LUZP1: variants seen among roughly 807,000 people sequenced by gnomAD.
LUZP1 encodes filamin mechanobinding actin cross-linking protein.
In LUZP1, 25 loss-of-function variants were observed where a neutral mutation model predicts 71.3. The ratio of observed to expected loss-of-function variants is 0.35; its 90% CI spans 0.26 to 0.49. The LOEUF (loss-of-function observed/expected upper bound fraction) is 0.49. Among genes scored for constraint, LUZP1 ranks in the 20% least tolerant of loss-of-function variants. LUZP1 has a pLI of 0.99. For missense variants in LUZP1, 1,142 were observed against 1,300.8 expected (o/e 0.88, Z 1.88); for synonymous variants, 481 against 506.4 (o/e 0.95, Z 0.67).
intron 2 of LUZP1, among the ~76,000 whole-genome samples, chr1:23,123,738 T>C (rs1424646883): frequency 6.6e-6 from 1 of 152,112 alleles, no homozygotes; most frequent in East Asian, 1.9e-4. Context: ...AGCATTTCCT[T>C]TCCAAGGTCA....
intron 2 of LUZP1, among the ~76,000 whole-genome samples, chr1:23,142,700 T>TAC (rs60316911): frequency 0.037 from 3,835 of 104,102 alleles, 57 homozygotes; most frequent in South Asian, 0.053. Context: ...TATATATATA[T>TAC]ACACACACAC....
intron 3 of LUZP1, among the ~76,000 whole-genome samples, chr1:23,102,405 T>C (rs1247194436): frequency 2.0e-5 from 3 of 152,168 alleles, no homozygotes; most frequent in Admixed American, 1.3e-4. Flanking sequence ...GCCCTGCCCC[T>C]TCTCCCAACA....
exon 4 of LUZP1, chr1:23,091,534 C>A (rs1239892853): frequency 3.7e-6 from 6 of 1,614,088 alleles, no homozygotes; most frequent in Non-Finnish European, 5.1e-6. Context: ...GAGAAGCCCA[C>A]TTCTGAAGGG....
intron 2 of LUZP1, among the ~76,000 whole-genome samples, chr1:23,149,079 T>TAAAAAAAA (rs58910170): frequency 1.3e-4 from 5 of 37,394 alleles, no homozygotes; most frequent in Admixed American, 7.4e-4. Flanking sequence ...ACACCTTGCC[T>TAAAAAAAA]AAAAAAAAAA....
intron 4 of LUZP1, among the ~76,000 whole-genome samples, chr1:23,089,756 CTTTT>C (rs10559844): frequency 0.44 from 65,001 of 146,596 alleles, 14,763 homozygotes; most frequent in East Asian, 0.55. Flanking sequence ...CCACACCTGG[CTTTT>C]TTTTTTTTTC....
chr1:23,155,184 C>T (rs1416930060), intron 2 of LUZP1, among the ~76,000 whole-genome samples: 1 of 152,178 alleles, frequency 6.6e-6, no homozygotes, highest in East Asian at 1.9e-4. Flanking sequence ...ACCCTAACTA[C>T]ATTTTCTAAA....
chr1:23,168,189 G>T (rs1189334218), intron 2 of LUZP1, among the ~76,000 whole-genome samples: 1 of 135,646 alleles, frequency 7.4e-6, no homozygotes, highest in Non-Finnish European at 1.6e-5. Context: ...CGCGCCCGCA[G>T]CTGGCCCCGC....
At chr1:23,172,385 G>T (rs1001420402) in intron 1 of LUZP1, among the ~76,000 whole-genome samples, 1 of 152,116 alleles carries the variant, frequency 6.6e-6, no homozygotes, top group African/African-American at 2.4e-5. Flanking sequence ...TAGGCCAGGC[G>T]CAGTGGCTCA....
At chr1:23,154,566 G>GGC (rs1052408837) in intron 2 of LUZP1, among the ~76,000 whole-genome samples, 3 of 151,144 alleles carry the variant, frequency 2.0e-5, no homozygotes, top group Non-Finnish European at 4.4e-5. Context: ...TTTTTGAGAC[G>GGC]GAGTCTTGCT....
At chr1:23,159,689 T>C (rs1432695036) in intron 2 of LUZP1, among the ~76,000 whole-genome samples, 1 of 152,188 alleles carries the variant, frequency 6.6e-6, no homozygotes, top group East Asian at 1.9e-4. Context: ...CAATGGCTAA[T>C]AATATCAGTA....
intron 4 of LUZP1, 63 bp downstream of exon 3, chr1:23,091,127 A>C: frequency 2.7e-6 from 4 of 1,474,114 alleles, no homozygotes; most frequent in Non-Finnish European, 3.6e-6. Context: ...GAGGGGAAAA[A>C]GGAAAAGGCA....
At chr1:23,170,979 A>G (rs1644548953) in intron 1 of LUZP1, among the ~76,000 whole-genome samples, 1 of 151,472 alleles carries the variant, frequency 6.6e-6, no homozygotes, top group Non-Finnish European at 1.5e-5. Context: ...AGTCTCAGCT[A>G]CTCAGGAGGC....
At chr1:23,138,095 C>A (rs778658965) in intron 2 of LUZP1, among the ~76,000 whole-genome samples, 3 of 152,166 alleles carry the variant, frequency 2.0e-5, no homozygotes, top group Non-Finnish European at 4.4e-5. Context: ...CTTAGCCTCC[C>A]AAGTAGCTGG....
intron 2 of LUZP1, among the ~76,000 whole-genome samples, chr1:23,151,051 G>C (rs1337501228): frequency 6.6e-6 from 1 of 151,934 alleles, no homozygotes; most frequent in Non-Finnish European, 1.5e-5. Flanking sequence ...TTTTTTGTTT[G>C]TTTATTTTTT....
rs778572257 is a variant in LUZP1, at chr1:23,091,991, T to C, written c.2271A>G (p.Lys757=). Residue 757 remains lysine, a synonymous_variant, in exon 4 of 5, where the codon AAA becomes AAG. Transcript: ENST00000302291. ...TCACATCCTTATCAACAATAACAGG[T>C]TTGATGATGGCTCTAGACCGCAACG... The C allele has an allele frequency of 2.5e-6, 4 of 1,614,130 alleles. 1 individual carries two copies. In the South Asian group the frequency reaches 4.4e-5, roughly 18 times the overall value.
exon 4 of LUZP1, chr1:23,091,932 G>A (rs113860430): frequency 2.7e-5 from 43 of 1,613,994 alleles, no homozygotes; most frequent in Middle Eastern, 1.6e-4. Context: ...TTTCTCCAAC[G>A]TAGTCTCTGT....
At chr1:23,130,875 T>C (rs574405625) in intron 2 of LUZP1, among the ~76,000 whole-genome samples, 2 of 152,118 alleles carry the variant, frequency 1.3e-5, no homozygotes, top group Non-Finnish European at 2.9e-5. Context: ...TATACATACA[T>C]TGGCCTCCTG....
At chr1:23,132,139 AT>A (rs1644220252) in intron 2 of LUZP1, among the ~76,000 whole-genome samples, 1 of 152,204 alleles carries the variant, frequency 6.6e-6, no homozygotes, top group African/African-American at 2.4e-5. Context: ...GGACAGAAAT[AT>A]GGTATTTCCT....
chr1:23,130,865 T>C (rs571600755), intron 2 of LUZP1, among the ~76,000 whole-genome samples: 1 of 152,184 alleles, frequency 6.6e-6, no homozygotes, highest in African/African-American at 2.4e-5. Flanking sequence ...CAATGTTCCA[T>C]ATACATACAT....
Sources: gnomAD v4.1 joint callset for allele counts (sites outside exome capture counted in the v4.1 genomes callset) on GRCh38, gnomAD v4.1.1 for gene constraint, MANE v1.5 for transcripts, NCBI Gene and HGNC (gene_info 2026-07-23, HGNC 2026-07-21) for gene names.